Variants in CEP112 observed in about 807,000 individuals in gnomAD.
The protein encoded by CEP112 is centrosomal protein 112, also known as centrosomal protein of 112 kDa.
In CEP112, 127 loss-of-function variants were observed where a neutral mutation model predicts 153.0. The observed-to-expected ratio is 0.83, with a 90% CI of 0.72 to 0.96. The LOEUF (loss-of-function observed/expected upper bound fraction) is 0.96, where lower values mean the gene tolerates loss of function less well. Among genes scored for constraint, CEP112 ranks in the 40% least tolerant of loss-of-function variants. The pLI is 0.00. For synonymous variants in CEP112, 358 were observed against 374.4 expected (o/e 0.96, Z 0.51); for missense variants, 1,089 against 1,101.2 (o/e 0.99, Z 0.16).
At chr17:66,072,845 G>A (rs2067353858) in intron 8 of CEP112, among the ~76,000 whole-genome samples, 1 of 152,088 alleles carries the variant, frequency 6.6e-6, no homozygotes. Context: ...GATGTATTAT[G>A]TACAACTAGG....
chr17:65,756,154 A>C (rs546039325), intron 21 of CEP112, among the ~76,000 whole-genome samples: 2 of 152,328 alleles, frequency 1.3e-5, no homozygotes, highest in Admixed American at 1.3e-4. Flanking sequence ...CTGTAATCCC[A>C]GCACTCTGGG....
intron 17 of CEP112, among the ~76,000 whole-genome samples, chr17:65,963,199 C>T (rs60038415): frequency 0.066 from 9,961 of 151,746 alleles, 470 homozygotes; most frequent in African/African-American, 0.12. Flanking sequence ...ACTTAGCTCA[C>T]CTTCCCTAAA....
At chr17:66,159,628 A>G (rs557517557) in intron 4 of CEP112, among the ~76,000 whole-genome samples, 1 of 152,332 alleles carries the variant, frequency 6.6e-6, no homozygotes, top group South Asian at 2.1e-4. Context: ...GATGCAGAAA[A>G]GGCCTTCAAT....
At chr17:66,004,088 T>C (rs2145425928) in intron 17 of CEP112, among the ~76,000 whole-genome samples, 1 of 152,094 alleles carries the variant, frequency 6.6e-6, no homozygotes, top group Non-Finnish European at 1.5e-5. Flanking sequence ...ATGGTAAATT[T>C]CATAAAGTTC....
chr17:66,027,728 C>A (rs1008767003), intron 15 of CEP112, among the ~76,000 whole-genome samples, 168 bp from the exon 16 acceptor site: 1 of 152,028 alleles, frequency 6.6e-6, no homozygotes, highest in African/African-American at 2.4e-5. Context: ...CTTTGTATTA[C>A]GAGGCATAAA....
chr17:66,078,257 CTTTT>C (rs1188440615), intron 8 of CEP112, among the ~76,000 whole-genome samples: 6 of 50,780 alleles, frequency 1.2e-4, no homozygotes, highest in African/African-American at 2.9e-4. Context: ...CTTTTCTTTT[CTTTT>C]TCTTTTTTTT....
At chr17:65,696,162 G>A (rs1284649293) in intron 23 of CEP112, among the ~76,000 whole-genome samples, 1 of 152,182 alleles carries the variant, frequency 6.6e-6, no homozygotes, top group East Asian at 1.9e-4. Flanking sequence ...CCCTTTTAGA[G>A]AGTTTCAAAG....
intron 24 of CEP112, among the ~76,000 whole-genome samples, chr17:65,682,603 C>T (rs1205735235): frequency 6.6e-6 from 1 of 152,194 alleles, no homozygotes; most frequent in African/African-American, 2.4e-5. Context: ...ACACACAACA[C>T]AGCGCTCAAT....
At chr17:65,763,958 T>C (rs1396716758) in intron 21 of CEP112, among the ~76,000 whole-genome samples, 1 of 152,060 alleles carries the variant, frequency 6.6e-6, no homozygotes, top group African/African-American at 2.4e-5. Context: ...GGTAACGTGT[T>C]AGGGAAGAGG....
intron 21 of CEP112, among the ~76,000 whole-genome samples, chr17:65,787,841 T>TACAG (rs2054361365): frequency 6.6e-6 from 1 of 152,236 alleles, no homozygotes; most frequent in Non-Finnish European, 1.5e-5. Flanking sequence ...AGATTTTATG[T>TACAG]ACAGACAATC....
chr17:65,637,947 A>G (rs2044866969), intron 25 of CEP112, among the ~76,000 whole-genome samples: 1 of 152,230 alleles, frequency 6.6e-6, no homozygotes, highest in African/African-American at 2.4e-5. Flanking sequence ...CATAGCGGAA[A>G]GAGCCTGAGC....
chr17:66,068,076 T>G (rs561093892), intron 9 of CEP112, among the ~76,000 whole-genome samples: 401 of 152,344 alleles, frequency 2.6e-3, no homozygotes, highest in Non-Finnish European at 4.9e-3. Flanking sequence ...ATTTATATTA[T>G]GTCAGAAGTT....
intron 6 of CEP112, among the ~76,000 whole-genome samples, chr17:66,104,484 T>C (rs1257277547): frequency 1.3e-5 from 2 of 152,200 alleles, no homozygotes; most frequent in Non-Finnish European, 2.9e-5. Context: ...AGCTAGGCAG[T>C]ACTTGCGTGG....
intron 23 of CEP112, among the ~76,000 whole-genome samples, chr17:65,739,412 A>G (rs1399300181): frequency 6.6e-6 from 1 of 152,120 alleles, no homozygotes; most frequent in Non-Finnish European, 1.5e-5. Context: ...TTTGCTCTTG[A>G]TTTTTAAAAG....
chr17:65,686,521 A>C (rs901977515), intron 24 of CEP112, among the ~76,000 whole-genome samples: 2 of 152,216 alleles, frequency 1.3e-5, no homozygotes, highest in Non-Finnish European at 2.9e-5. Context: ...GAGAAGCCCC[A>C]GTCCTCCAGG....
intron 24 of CEP112, among the ~76,000 whole-genome samples, chr17:65,667,898 C>CTT (rs5821584): frequency 1.4e-5 from 2 of 140,418 alleles, no homozygotes; most frequent in Admixed American, 7.1e-5. Context: ...CCCTTGGGCA[C>CTT]TTTTTTTTTT....
intron 4 of CEP112, among the ~76,000 whole-genome samples, chr17:66,166,664 G>A (rs999314131): frequency 3.5e-4 from 53 of 152,054 alleles, no homozygotes; most frequent in Admixed American, 3.3e-4. Flanking sequence ...TTGGGAGGCC[G>A]AGGGAGGGGG....
intron 19 of CEP112, among the ~76,000 whole-genome samples, chr17:65,903,863 C>A (rs1353186512): frequency 6.6e-6 from 1 of 150,466 alleles, no homozygotes; most frequent in African/African-American, 2.5e-5. Flanking sequence ...TCACAAAAAA[C>A]ACATGATTAA....
At chr17:66,150,851 C>A (rs1196158879) in intron 4 of CEP112, among the ~76,000 whole-genome samples, 2 of 152,158 alleles carry the variant, frequency 1.3e-5, no homozygotes, top group African/African-American at 2.4e-5. Flanking sequence ...GTTTTTGCTT[C>A]ATGTATTTTT....
Sources: allele counts gnomAD v4.1 joint callset (sites outside exome capture counted in the v4.1 genomes callset), GRCh38; gene constraint gnomAD v4.1.1; transcripts MANE v1.5; gene names NCBI Gene and HGNC (gene_info 2026-07-23, HGNC 2026-07-21).